The following THAP9 variants were observed in gnomAD, a reference collection of about 807,000 sequenced individuals.
THAP9 encodes the protein THAP domain containing 9.
Under a neutral mutation model 35.7 loss-of-function variants are expected in THAP9, and 20 were observed. The ratio of observed to expected loss-of-function variants is 0.56; its 90% confidence interval spans 0.39 to 0.81. The LOEUF (loss-of-function observed/expected upper bound fraction) is 0.81, where lower values mean the gene tolerates loss of function less well. Ranked by LOEUF, THAP9 falls within the 40% of genes least tolerant of loss-of-function variation. THAP9 has a pLI of 0.00. For missense variants in THAP9, 870 were observed against 1,047.4 expected, an observed-to-expected ratio of 0.83 and a Z score of 2.34; for synonymous variants, 335 against 373.7, an observed-to-expected ratio of 0.90 and a Z score of 1.19.
chr4:82,918,678 T>G lies in THAP9; in HGVS notation c.2466T>G (p.Phe822Leu). 1 of 1,614,056 alleles carries G rather than the reference T, an allele frequency of 6.2e-7. No individual in the cohort carries two copies. Among genetic ancestry groups the G allele is most frequent in the Non-Finnish European group, 8.5e-7 (1 of 1,179,946 alleles). ...TTGTAGATGTGAATAAGCATCTCTTTGATGGAGAAGTGTGTGCCATCAATC... is the reference window on the plus strand; with the variant it reads ...TTGTAGATGTGAATAAGCATCTCTTGGATGGAGAAGTGTGTGCCATCAATC... Reference protein sequence around the residue: ...NLFVDVNKHLFDGEVCAINHF... With the variant: ...NLFVDVNKHLLDGEVCAINHF... The change falls in exon 5 of 5, where the codon TTT becomes TTG. Residue 822 changes from phenylalanine (F) to leucine (L), a missense_variant. Physicochemically the swap from Phe to Leu is conservative, Grantham distance 22. Transcript: ENST00000302236.
At chr4:82,903,648 C>T (rs970082584) in intron 1 of THAP9, 2 of 152,564 alleles carry the variant, frequency 1.3e-5, no homozygotes, top group Non-Finnish European at 2.9e-5. Context: ...ATATACTTGT[C>T]TTGTTTTCTA....
chr4:82,918,371 G>C lies in THAP9; in HGVS notation c.2159G>C (p.Gly720Ala). ...DHRRNLICYA[G>A]YVANKLSALL... ...AGGCGAAATCTCATCTGTTATGCTG[G>C]TTATGTTGCAAACAAGTTATCAGCT... is the stretch of plus-strand genomic sequence containing the variant. Residue 720 changes from glycine (G) to alanine (A), a missense_variant, in exon 5 of 5, where the codon GGT becomes GCT. By Grantham distance (60) the Gly-to-Ala change is moderately conservative. Coordinates refer to ENST00000302236, the MANE Select transcript of THAP9 (RefSeq NM_024672.6). The C allele has an allele frequency of 1.2e-6, 2 of 1,614,108 alleles. No individual in the cohort carries two copies. Among genetic ancestry groups the C allele is most frequent in the Non-Finnish European group, 1.7e-6 (2 of 1,179,990 alleles).
chr4:82,901,661 G>A (rs979442906), intron 1 of THAP9, among the ~76,000 whole-genome samples: 4 of 152,034 alleles, frequency 2.6e-5, no homozygotes, highest in Non-Finnish European at 4.4e-5. Flanking sequence ...GTAAATGCCA[G>A]GTTAAGGAGT....
chr4:82,904,574 C>A (rs1720565322), intron 1 of THAP9, among the ~76,000 whole-genome samples, 162 bp from the exon 2 acceptor site: 1 of 151,870 alleles, frequency 6.6e-6, no homozygotes, highest in African/African-American at 2.4e-5. Context: ...TAAAAAAAAT[C>A]AAAGAACTTT....
chr4:82,908,046 T>G, intron 4 of THAP9, 111 bp downstream of exon 4: 1 of 1,184,492 alleles, frequency 8.4e-7, no homozygotes, highest in Non-Finnish European at 1.2e-6. Flanking sequence ...TTTTGTTGCA[T>G]TTTACTTATT....
At chr4:82,909,484 A>G (rs1720787580) in intron 4 of THAP9, among the ~76,000 whole-genome samples, 1 of 151,990 alleles carries the variant, frequency 6.6e-6, no homozygotes, top group South Asian at 2.1e-4. Flanking sequence ...TCTTTTGTAA[A>G]TAAATTTCCA....
intron 4 of THAP9, among the ~76,000 whole-genome samples, chr4:82,915,189 A>G (rs1720996362): frequency 6.6e-6 from 1 of 152,196 alleles, no homozygotes; most frequent in Middle Eastern, 3.2e-3. Flanking sequence ...TAAATAGATT[A>G]TAACCTACTT....
chr4:82,917,312 C>G lies in THAP9; in HGVS notation c.1100C>G (p.Thr367Arg). The change falls in exon 5 of 5, where the codon ACA becomes AGA. Residue 367 changes from threonine (T) to arginine (R), a missense_variant. Around this residue, in one of 3 missense-constraint regions of THAP9, gnomAD observed 440 missense variants for 501.2 expected, o/e 0.88. Transcript: ENST00000302236. ...TIGKLSDIGI[T>R]VLAVTSDATA... ...GGTAAACTGAGTGACATAGGAATCA[C>G]AGTTCTGGCTGTTACATCTGATGCC... 4 of 1,613,914 alleles carry G rather than the reference C, an allele frequency of 2.5e-6. No individual in the cohort carries two copies. The highest frequency in any genetic ancestry group is 2.2e-5 in the South Asian group (2 of 91,082).
Position 82,917,037 on chromosome 4 carries a change from A to C in THAP9, c.825A>C (p.Gln275His). The change falls in exon 5 of 5, where the codon CAA becomes CAC. Residue 275 changes from glutamine to histidine, a missense_variant. Physicochemically the swap from Gln to His is conservative, Grantham distance 24 (BLOSUM62 0). Transcript: ENST00000302236. ...TAGAGAATGGAGATCAGCTCTATCA[A>C]TACTGTTCATTGTTAATAAAAAGTA... ...RRVENGDQLY[Q>H]YCSLLIKSMP... 6.2e-7 allele frequency: 1 copy of C among 1,610,060 alleles called. No individual in the cohort carries two copies. The highest frequency in any genetic ancestry group is 8.5e-7 in the Non-Finnish European group (1 of 1,178,488).
At chr4:82,906,290 C>T in intron 2 of THAP9, 34 bp from the exon 3 acceptor site, 1 of 1,481,590 alleles carries the variant, frequency 6.7e-7, no homozygotes, top group African/African-American at 1.4e-5. Flanking sequence ...GTGATTATTT[C>T]TAAAATAACT....
chr4:82,910,662 A>G (rs747588538), intron 4 of THAP9: 20 of 549,536 alleles, frequency 3.6e-5, no homozygotes, highest in South Asian at 3.5e-4. Context: ...TAATCATTAT[A>G]TTTAATATTT....
chr4:82,904,057 CCTTTTT>C (rs1560691933), intron 1 of THAP9, among the ~76,000 whole-genome samples: 2 of 128,482 alleles, frequency 1.6e-5, no homozygotes, highest in Admixed American at 9.9e-5. Context: ...TTAGGCTCCC[CCTTTTT>C]TTTTTTTTTT....
chr4:82,911,917 A>G (rs930799823), intron 4 of THAP9, among the ~76,000 whole-genome samples: 4 of 152,216 alleles, frequency 2.6e-5, no homozygotes, highest in African/African-American at 9.7e-5. Context: ...AAACAATTAG[A>G]TGGTTAACAA....
At chr4:82,912,259 T>C (rs1720889722) in intron 4 of THAP9, among the ~76,000 whole-genome samples, 1 of 152,232 alleles carries the variant, frequency 6.6e-6, no homozygotes, top group Non-Finnish European at 1.5e-5. Flanking sequence ...ATCTTGGTCA[T>C]AGATAGAAAA....
chr4:82,918,074 A>G lies in THAP9; in HGVS notation c.1862A>G (p.Gln621Arg), dbSNP rs750752751. The change falls in exon 5 of 5, where the codon CAG becomes CGG. Residue 621 changes from glutamine to arginine, a missense_variant. Transcript: ENST00000302236. ...HLELFLKMLR[Q>R]VLVTSSSPTC... The stretch of plus-strand genomic sequence containing the variant: ...GAATTATTTCTAAAGATGCTTAGGC[A>G]GGTATTAGTAACAAGTTCTAGCCCT... 3.7e-6 allele frequency: 6 copies of G among 1,614,006 alleles called. No homozygotes were observed. Among genetic ancestry groups the G allele is most frequent in the East Asian group, 4.5e-5 (2 of 44,898 alleles).
rs11731186 is a variant in THAP9, at chr4:82,907,858, A to G, written c.654A>G (p.Thr218=). 9.4e-4 allele frequency: 1,520 copies of G among 1,611,338 alleles called. 5 individuals carry two copies. Among genetic ancestry groups the G allele is most frequent in the Non-Finnish European group, 1.2e-3 (1,360 of 1,178,740 alleles). The part of the protein sequence containing the change: ...YSAEMKQFAC[T]LYLCSSKVYD... Reference sequence around the variant, plus strand: ...CAGAAATGAAACAATTTGCATGTACACTCTACTTGTGCAGTAGCAAAGTCT... The same window carrying G: ...CAGAAATGAAACAATTTGCATGTACGCTCTACTTGTGCAGTAGCAAAGTCT... Residue 218 remains threonine, a synonymous_variant, in exon 4 of 5, where the codon ACA becomes ACG. Coordinates refer to ENST00000302236, the MANE Select transcript of THAP9 (RefSeq NM_024672.6).
At chr4:82,905,927 G>C (rs1478811274) in intron 2 of THAP9, 3 of 456,450 alleles carry the variant, frequency 6.6e-6, no homozygotes, top group Non-Finnish European at 1.3e-5. Context: ...TCAAACCCAG[G>C]TCAGTCTTAA....
Position 82,917,039 on chromosome 4 carries a change from A to T in THAP9, c.827A>T (p.Tyr276Phe). ...RVENGDQLYQ[Y>F]CSLLIKSMPL... Reference sequence around the variant, plus strand: ...GAGAATGGAGATCAGCTCTATCAATACTGTTCATTGTTAATAAAAAGTATG... The same window carrying T: ...GAGAATGGAGATCAGCTCTATCAATTCTGTTCATTGTTAATAAAAAGTATG... The change falls in exon 5 of 5, where the codon TAC (tyrosine) becomes TTC (phenylalanine). Residue 276 changes from tyrosine (Y) to phenylalanine (F), a missense_variant. Tyr to Phe is a conservative substitution (Grantham distance 22). This residue lies in a region of THAP9 where 440 missense variants were observed against 501.2 expected (regional missense o/e 0.88). Coordinates refer to ENST00000302236, the MANE Select transcript of THAP9 (RefSeq NM_024672.6). The T allele has an allele frequency of 6.2e-7, 1 of 1,610,256 alleles. No individual in the cohort carries two copies. Among genetic ancestry groups the T allele is most frequent in the African/African-American group, 1.3e-5 (1 of 74,806 alleles).
chr4:82,905,974 T>G, intron 2 of THAP9: 1 of 457,266 alleles, frequency 2.2e-6, no homozygotes, highest in Non-Finnish European at 4.4e-6. Flanking sequence ...GCCTTCTTTT[T>G]TGCACAAATA....
Sources: gnomAD v4.1 joint callset for allele counts (sites outside exome capture counted in the v4.1 genomes callset) on GRCh38, gnomAD v4.1.1 for gene constraint, gnomAD v4.1.1 regional missense constraint, MANE v1.5 for transcripts, NCBI Gene and HGNC (gene_info 2026-07-23, HGNC 2026-07-21) for gene names.